ITGAM: variants seen among roughly 807,000 people sequenced by gnomAD.
ITGAM encodes the protein integrin subunit alpha M.
In ITGAM, 79 loss-of-function variants were observed where a neutral mutation model predicts 137.5. The ratio of observed to expected loss-of-function variants is 0.57; its 90% confidence interval spans 0.48 to 0.69. ITGAM has a LOEUF of 0.69. Among genes scored for constraint, ITGAM ranks in the 30% least tolerant of loss-of-function variants. The pLI is 0.00. For synonymous variants in ITGAM, 583 were observed against 592.3 expected (o/e 0.98, Z 0.23); for missense variants, 1,343 against 1,483.5 (o/e 0.91, Z 1.56).
intron 5 of ITGAM, among the ~76,000 whole-genome samples, chr16:31,270,290 T>G (rs1040757838): frequency 6.6e-6 from 1 of 150,920 alleles, no homozygotes; most frequent in African/African-American, 2.4e-5. Context: ...TTAATAGAGA[T>G]AGGGTTTCAC....
At chr16:31,266,260 A>C in intron 5 of ITGAM, 113 bp downstream of exon 5, 1 of 714,812 alleles carries the variant, frequency 1.4e-6, no homozygotes, top group Non-Finnish European at 2.4e-6. Context: ...GAGTGGGGGA[A>C]CTGGGTCCCA....
chr16:31,284,011 T>C (rs1192964003), intron 12 of ITGAM, among the ~76,000 whole-genome samples: 1 of 152,206 alleles, frequency 6.6e-6, no homozygotes, highest in Non-Finnish European at 1.5e-5. Context: ...CCTGTTTTCC[T>C]GAGTTTCACC....
intron 12 of ITGAM, among the ~76,000 whole-genome samples, chr16:31,287,326 T>C (rs1299649070): frequency 6.6e-6 from 1 of 152,230 alleles, no homozygotes; most frequent in African/African-American, 2.4e-5. Context: ...TTGTTATTTT[T>C]GCTTAGGATT....
chr16:31,304,110 A>G (rs904019447), intron 14 of ITGAM, among the ~76,000 whole-genome samples: 13 of 152,122 alleles, frequency 8.5e-5, no homozygotes, highest in Admixed American at 5.9e-4. Flanking sequence ...TTTTCATCAC[A>G]TCCATGCCAG....
chr16:31,288,948 A>G (rs539100555), intron 12 of ITGAM, among the ~76,000 whole-genome samples: 1 of 152,362 alleles, frequency 6.6e-6, no homozygotes, highest in African/African-American at 2.4e-5. Flanking sequence ...GGTGAAGGAT[A>G]TTAACAGACA....
chr16:31,273,168 T>C (rs924594722), intron 7 of ITGAM, among the ~76,000 whole-genome samples, 197 bp from the exon 8 acceptor site: 1 of 152,066 alleles, frequency 6.6e-6, no homozygotes, highest in Non-Finnish European at 1.5e-5. Context: ...TGGTGGTACA[T>C]GCCTGTAGTC....
chr16:31,331,622 C>T lies in ITGAM; in HGVS notation c.3388-14C>T. 1 of 1,601,010 alleles carries T rather than the reference C, an allele frequency of 6.2e-7. No homozygotes were observed. The highest frequency in any genetic ancestry group is 8.5e-7 in the Non-Finnish European group (1 of 1,174,102). On this transcript the variant is annotated splice_polypyrimidine_tract_variant and intron_variant, in intron 29 of 29. Coordinates refer to ENST00000544665, the MANE Select transcript of ITGAM (RefSeq NM_000632.4). Reference sequence around the variant, plus strand: ...TGGCTGCTGTCGCTCTCACTGCCCTCCTCTGCCCCGCAGCTCGGCTTCTTC... The same window carrying T: ...TGGCTGCTGTCGCTCTCACTGCCCTTCTCTGCCCCGCAGCTCGGCTTCTTC...
At chr16:31,291,675 A>G (rs2080088418) in intron 12 of ITGAM, among the ~76,000 whole-genome samples, 1 of 152,204 alleles carries the variant, frequency 6.6e-6, no homozygotes, top group African/African-American at 2.4e-5. Flanking sequence ...GTTAAGTAAA[A>G]CAACCCGGGC....
chr16:31,302,076 A>T (rs2080202344), intron 14 of ITGAM, among the ~76,000 whole-genome samples: 1 of 152,050 alleles, frequency 6.6e-6, no homozygotes, highest in Non-Finnish European at 1.5e-5. Flanking sequence ...GCTCATGCTC[A>T]TGGTTCTTTC....
rs74794304 is a variant in ITGAM, at chr16:31,331,860, C to A, written c.*153C>A. ...TTGTGTGTGTGCAAGTGTGTATGTG[C>A]GTGTGTGCAAGTGTCTGTGTGCAAG... is the stretch of plus-strand genomic sequence containing the variant. On this transcript the variant is annotated 3_prime_UTR_variant, in exon 30 of 30. Transcript: ENST00000544665. 5 of 609,320 alleles carry A rather than the reference C, an allele frequency of 8.2e-6. No individual in the cohort carries two copies. Among genetic ancestry groups the A allele is most frequent in the Non-Finnish European group, 5.8e-6 (2 of 344,924 alleles). The allele number at this position is 609,320 out of a possible 1,614,324, so 37.7% of individuals were successfully genotyped here.
chr16:31,263,411 T>C (rs916617104), intron 2 of ITGAM, among the ~76,000 whole-genome samples: 2 of 152,230 alleles, frequency 1.3e-5, no homozygotes, highest in Non-Finnish European at 2.9e-5. Context: ...CGTGCAATTT[T>C]AATAGATTTT....
At chr16:31,315,981 T>G (rs959960652) in intron 14 of ITGAM, among the ~76,000 whole-genome samples, 1 of 149,860 alleles carries the variant, frequency 6.7e-6, no homozygotes, top group Non-Finnish European at 1.5e-5. Flanking sequence ...GATCATGAGG[T>G]CAGGAAATCG....
At chr16:31,291,680 C>T (rs897275587) in intron 12 of ITGAM, among the ~76,000 whole-genome samples, 1 of 151,746 alleles carries the variant, frequency 6.6e-6, no homozygotes, top group East Asian at 1.9e-4. Context: ...GTAAAACAAC[C>T]CGGGCACAGA....
intron 23 of ITGAM, among the ~76,000 whole-genome samples, chr16:31,328,513 C>CTA (rs554956161): frequency 6.7e-6 from 1 of 149,198 alleles, no homozygotes; most frequent in South Asian, 2.1e-4. Context: ...TGAGTGTGAT[C>CTA]TATGTGTGTG....
chr16:31,274,795 T>C (rs935085121), intron 8 of ITGAM, among the ~76,000 whole-genome samples: 3 of 151,830 alleles, frequency 2.0e-5, no homozygotes, highest in Admixed American at 1.3e-4. Flanking sequence ...TTGTTTTGTA[T>C]TGTTAGTAGA....
In ITGAM at chr16:31,265,932, C is replaced by T. The variant is rs2079761688; in HGVS notation, c.309+51C>T. On this transcript the variant is annotated intron_variant, in intron 4 of 29. Coordinates refer to ENST00000544665, the MANE Select transcript of ITGAM (RefSeq NM_000632.4). ...ATCCTAATGGGGGTGTTTGGGGGCC[C>T]ACGCATGGTGGGGCTGGGGGTCTTG... 7 of 1,600,392 alleles carry T rather than the reference C, an allele frequency of 4.4e-6. No homozygotes were observed. In the East Asian group the frequency reaches 8.9e-5, roughly 20 times the overall value.
intron 5 of ITGAM, among the ~76,000 whole-genome samples, chr16:31,270,186 T>TCCTTTCCTTTCCTTC (rs2079817172): frequency 6.7e-6 from 1 of 149,322 alleles, no homozygotes; most frequent in African/African-American, 2.5e-5. Context: ...TCCTTTCCTT[T>TCCTTTCCTTTCCTTC]CCTTTTTTTC....
chr16:31,263,664 TC>T (rs1178578342), intron 2 of ITGAM, among the ~76,000 whole-genome samples: 33 of 148,228 alleles, frequency 2.2e-4, no homozygotes, highest in Admixed American at 5.3e-4. Flanking sequence ...CATTTTTCTT[TC>T]TTTTTTTTTT....
rs553582535 is a variant in ITGAM, at chr16:31,311,610, G to A, written c.1708-9631G>A. Among the ~76,000 whole-genome samples, 283 of 152,256 alleles carry A rather than the reference G, an allele frequency of 1.9e-3. 2 individuals are homozygous for A. The South Asian group carries it at 0.025, about 14-fold the overall frequency. On this transcript the variant is annotated intron_variant, in intron 14 of 29. Transcript: ENST00000544665. ...ATACCATCTCACACCAGTTAGAATG[G>A]CAATCATTAAAAAGTCAGGAAACAG...
Sources: allele counts gnomAD v4.1 joint callset (sites outside exome capture counted in the v4.1 genomes callset), GRCh38; gene constraint gnomAD v4.1.1; transcripts MANE v1.5; gene names NCBI Gene and HGNC (gene_info 2026-07-23, HGNC 2026-07-21).